The following TSHR variants were observed in gnomAD, a reference collection of about 807,000 sequenced individuals.
The protein encoded by TSHR is thyrotropin receptor.
In TSHR, 51 loss-of-function variants were observed where a neutral mutation model predicts 64.1. That is an observed-to-expected ratio of 0.80 (90% confidence interval 0.64 to 1.01). The LOEUF (loss-of-function observed/expected upper bound fraction) is 1.01. TSHR is among the 50% of genes least tolerant of loss of function. The pLI is 0.00. For synonymous variants in TSHR, 361 were observed against 361.9 expected, an observed-to-expected ratio of 1.00 and a Z score of 0.03; for missense variants, 877 against 942.8, an observed-to-expected ratio of 0.93 and a Z score of 0.91.
chr14:81,093,769 C>G (rs1888942541), intron 6 of TSHR: 1 of 152,188 alleles, frequency 6.6e-6, no homozygotes, highest in Non-Finnish European at 1.5e-5. Flanking sequence ...CCTTCTCAGT[C>G]ATAATTTCTT....
chr14:81,108,500 T>TTTTTTTTTTTTTTTTA, intron 8 of TSHR, 48 bp downstream of exon 8: 1 of 1,014,064 alleles, frequency 9.9e-7, no homozygotes, highest in Non-Finnish European at 1.4e-6. Context: ...TTTTCTTTTT[T>TTTTTTTTTTTTTTTTA]TTTTTTTGGA....
At chr14:81,095,742 C>G (rs1251618402) in intron 6 of TSHR, among the ~76,000 whole-genome samples, 1 of 152,098 alleles carries the variant, frequency 6.6e-6, no homozygotes, top group Non-Finnish European at 1.5e-5. Context: ...CATAGAAACA[C>G]AGCAACAAGT....
chr14:81,132,627 C>A (rs1378035025), intron 8 of TSHR, among the ~76,000 whole-genome samples: 1 of 152,164 alleles, frequency 6.6e-6, no homozygotes, highest in Non-Finnish European at 1.5e-5. Flanking sequence ...AAACCATCTG[C>A]CAGACTCAGC....
At chr14:80,957,707 T>C (rs1220456719) in intron 1 of TSHR, 1 of 152,228 alleles carries the variant, frequency 6.6e-6, no homozygotes, top group Non-Finnish European at 1.5e-5. Flanking sequence ...GAATGAGCAA[T>C]GGAACAGGAG....
At chr14:81,085,171 A>G (rs113851525) in intron 3 of TSHR, among the ~76,000 whole-genome samples, 4,992 of 152,118 alleles carry the variant, frequency 0.033, 242 homozygotes, top group African/African-American at 0.1. Flanking sequence ...CACGTTGCCC[A>G]GGCTGGTCTT....
intron 1 of TSHR, among the ~76,000 whole-genome samples, chr14:80,986,515 T>C (rs1413208247): frequency 6.6e-6 from 1 of 152,206 alleles, no homozygotes; most frequent in Non-Finnish European, 1.5e-5. Flanking sequence ...AGACAGAGTT[T>C]CGCTCTTGTT....
chr14:81,068,159 G>A, intron 2 of TSHR, 95 bp from the exon 3 acceptor site: 1 of 1,131,098 alleles, frequency 8.8e-7, no homozygotes, highest in Non-Finnish European at 1.3e-6. Context: ...CATGATCTGG[G>A]AAGCGCATAA....
At chr14:81,128,661 G>A (rs955465571) in intron 8 of TSHR, among the ~76,000 whole-genome samples, 17 of 152,010 alleles carry the variant, frequency 1.1e-4, no homozygotes, top group African/African-American at 3.9e-4. Context: ...TTCTACCCCA[G>A]CCACACTGAA....
chr14:80,992,852 G>A (rs539784176), intron 1 of TSHR: 23 of 152,296 alleles, frequency 1.5e-4, no homozygotes, highest in Admixed American at 3.9e-4. Context: ...GAAAGAGACC[G>A]ATGAAGCTTC....
chr14:80,972,218 G>A (rs1248983799), intron 1 of TSHR, among the ~76,000 whole-genome samples: 1 of 151,988 alleles, frequency 6.6e-6, no homozygotes, highest in African/African-American at 2.4e-5. Context: ...AACAGTTTTA[G>A]CTATAACATA....
rs201174554 is a variant in TSHR, at chr14:81,025,452, TTA to T, written c.171-36694_171-36693del. On this transcript the variant is annotated intron_variant, in intron 1 of 9. Transcript: ENST00000298171. ...TGGATAAATCAGTATAAATATGTAG[TTA>T]TTTTTTTTTTAACATGAGAAGAGAT... Among the ~76,000 whole-genome samples the T allele has an allele frequency of 2.9e-4, 44 of 149,418 alleles. No homozygotes were observed. In the East Asian group the frequency reaches 6.9e-3, roughly 23 times the overall value.
chr14:81,036,669 T>C (rs1189806490), intron 1 of TSHR, among the ~76,000 whole-genome samples: 5 of 152,200 alleles, frequency 3.3e-5, no homozygotes, highest in African/African-American at 9.6e-5. Flanking sequence ...ATCTCATTGG[T>C]AGGAGTAAAT....
In TSHR at chr14:81,033,442, C is replaced by G. The variant is rs181390491; in HGVS notation, c.171-28706C>G. ...TCTGCAGCATGATGTTTTGCACTTT[C>G]CTTTCAGGGTTTGAAACAATCTGGG... On this transcript the variant is annotated intron_variant, in intron 1 of 9. Coordinates refer to ENST00000298171, the MANE Select transcript of TSHR (RefSeq NM_000369.5). 5.6e-3 allele frequency: 952 copies of G among 168,844 alleles called. 13 individuals carry two copies. The highest frequency in any genetic ancestry group is 0.046 in the Middle Eastern group (39 of 842). The allele number at this position is 168,844 out of a possible 1,614,324, so 10.5% of individuals were successfully genotyped here. A position where few individuals can be genotyped will look rare whatever the true frequency, so the allele number is the denominator to read the frequency against.
intron 1 of TSHR, among the ~76,000 whole-genome samples, chr14:80,976,247 C>A (rs1887870343): frequency 6.6e-6 from 1 of 152,160 alleles, no homozygotes; most frequent in African/African-American, 2.4e-5. Context: ...ACAGCCCACC[C>A]CTTGCAAGAT....
chr14:81,120,573 T>G (rs910772465), intron 8 of TSHR, among the ~76,000 whole-genome samples: 2 of 152,234 alleles, frequency 1.3e-5, no homozygotes, highest in African/African-American at 4.8e-5. Context: ...TCTAACAGGT[T>G]TTTGGTGGAG....
At chr14:80,996,153 G>A (rs1261439071) in intron 1 of TSHR, among the ~76,000 whole-genome samples, 1 of 152,108 alleles carries the variant, frequency 6.6e-6, no homozygotes, top group East Asian at 1.9e-4. Context: ...AATCGCAACT[G>A]CAGAGTGTTT....
At chr14:81,034,148 T>G (rs1415323910) in intron 1 of TSHR, among the ~76,000 whole-genome samples, 1 of 152,218 alleles carries the variant, frequency 6.6e-6, no homozygotes, top group Non-Finnish European at 1.5e-5. Context: ...CCTTATACTT[T>G]ATACACAGTT....
chr14:81,024,347 C>G (rs1883934370), intron 1 of TSHR, among the ~76,000 whole-genome samples: 1 of 152,136 alleles, frequency 6.6e-6, no homozygotes, highest in Non-Finnish European at 1.5e-5. Flanking sequence ...CTTCCGGGTT[C>G]AAGCGATTCT....
chr14:81,085,213 C>T (rs532336992), intron 3 of TSHR, among the ~76,000 whole-genome samples: 3 of 152,176 alleles, frequency 2.0e-5, no homozygotes, highest in South Asian at 2.1e-4. Context: ...CCACCTGCCT[C>T]GGCCTCCCAC....
Sources: allele counts gnomAD v4.1 joint callset (sites outside exome capture counted in the v4.1 genomes callset), GRCh38; gene constraint gnomAD v4.1.1; transcripts MANE v1.5; gene names NCBI Gene and HGNC (gene_info 2026-07-23, HGNC 2026-07-21).